The following TEX9 variants were observed in gnomAD, a reference collection of about 807,000 sequenced individuals.
TEX9 encodes the protein testis-expressed protein 9.
In TEX9, 74 loss-of-function variants were observed where a neutral mutation model predicts 59.6. The observed-to-expected ratio is 1.24, with a 90% CI of 1.03 to 1.51. TEX9 has a LOEUF of 1.51. Among genes scored for constraint, TEX9 ranks in the 40% most tolerant of loss-of-function variants. The pLI is 0.00. For synonymous variants in TEX9, 186 were observed against 152.2 expected, an observed-to-expected ratio of 1.22 and a Z score of -1.64; for missense variants, 522 against 447.8, an observed-to-expected ratio of 1.17 and a Z score of -1.49.
intron 3 of TEX9, among the ~76,000 whole-genome samples, chr15:56,379,302 T>C (rs2047611429): frequency 6.6e-6 from 1 of 152,192 alleles, no homozygotes; most frequent in Non-Finnish European, 1.5e-5. Flanking sequence ...AGTTTCTTCA[T>C]TGACCCATTG....
intron 1 of TEX9, among the ~76,000 whole-genome samples, chr15:56,350,572 A>G (rs2046558096): frequency 6.6e-6 from 1 of 152,218 alleles, no homozygotes; most frequent in Non-Finnish European, 1.5e-5. Context: ...GATTCTACTC[A>G]TTTAATCTAG....
At chr15:56,303,905 G>T (rs1567078665) in intron 1 of TEX9, among the ~76,000 whole-genome samples, 1 of 152,146 alleles carries the variant, frequency 6.6e-6, no homozygotes, top group African/African-American at 2.4e-5. Flanking sequence ...AGAAGAAATG[G>T]ATAACTTTCT....
chr15:56,360,810 T>C (rs768056848), upstream of TEX9, among the ~76,000 whole-genome samples: 12 of 152,192 alleles, frequency 7.9e-5, no homozygotes, highest in Non-Finnish European at 1.6e-4. Flanking sequence ...TGCAGAGCTA[T>C]GTACCAGATA....
intron 1 of TEX9, among the ~76,000 whole-genome samples, chr15:56,308,216 C>T (rs1294166307): frequency 6.6e-6 from 1 of 152,214 alleles, no homozygotes; most frequent in African/African-American, 2.4e-5. Context: ...CCAATTTCTT[C>T]ACATCCTTGC....
At chr15:56,374,645 TCTGA>T (rs2047344438) in intron 3 of TEX9, 1 of 152,158 alleles carries the variant, frequency 6.6e-6, no homozygotes. Flanking sequence ...ATTCATTCTT[TCTGA>T]CTATATATTT....
chr15:56,375,842 C>T (rs1360341885), intron 3 of TEX9, among the ~76,000 whole-genome samples: 1 of 150,614 alleles, frequency 6.6e-6, no homozygotes, highest in Non-Finnish European at 1.5e-5. Context: ...CAATGATAGA[C>T]TGGATTAAGA....
chr15:56,327,748 A>G (rs1453731612), intron 1 of TEX9, among the ~76,000 whole-genome samples: 3 of 152,154 alleles, frequency 2.0e-5, no homozygotes, highest in Non-Finnish European at 4.4e-5. Flanking sequence ...TGCTGCCAAC[A>G]CTGGGGAGAA....
At position 56,403,454 on chromosome 15, in the gene TEX9, G is replaced by A. The variant is rs554775871; in HGVS notation, c.828+8620G>A. Among the ~76,000 whole-genome samples the A allele has an allele frequency of 3.8e-3, 579 of 152,156 alleles. 2 individuals carry two copies. Among genetic ancestry groups the A allele is most frequent in the Non-Finnish European group, 5.8e-3 (395 of 67,980 alleles). ...GTGAAGGACCTCTTCAAGGAGAACT[G>A]CAAACCACTGCTCAATGAAATAAAA... On this transcript the variant is annotated intron_variant, in intron 9 of 12. Transcript: ENST00000352903.
chr15:56,299,608 G>A (rs555144834), intron 1 of TEX9, among the ~76,000 whole-genome samples: 2 of 152,236 alleles, frequency 1.3e-5, no homozygotes, highest in South Asian at 4.1e-4. Flanking sequence ...AGCTCAGCTC[G>A]AAGCTCCAGG....
intron 1 of TEX9, among the ~76,000 whole-genome samples, chr15:56,285,232 C>T (rs2044925160): frequency 6.6e-6 from 1 of 151,988 alleles, no homozygotes; most frequent in African/African-American, 2.4e-5. Flanking sequence ...TTTTACTTTA[C>T]CCTCACTCTC....
At chr15:56,291,655 G>C (rs1338722296) in intron 1 of TEX9, among the ~76,000 whole-genome samples, 1 of 152,056 alleles carries the variant, frequency 6.6e-6, no homozygotes, top group Admixed American at 6.6e-5. Context: ...TATATCTCTT[G>C]TCTAACTGAA....
At chr15:56,293,444 A>G (rs1289976821) in intron 1 of TEX9, among the ~76,000 whole-genome samples, 1 of 152,248 alleles carries the variant, frequency 6.6e-6, no homozygotes, top group African/African-American at 2.4e-5. Flanking sequence ...CAGACTTGGC[A>G]TGTAGTAAAG....
In TEX9 at chr15:56,393,042, G is replaced by C. The variant is rs942075062; in HGVS notation, c.572-1123G>C. Among the ~76,000 whole-genome samples, 3 of 152,252 alleles carry C rather than the reference G, an allele frequency of 2.0e-5. No homozygotes were observed. The East Asian group carries it at 5.8e-4, about 29-fold the overall frequency. On this transcript the variant is annotated intron_variant, in intron 7 of 12. Transcript: ENST00000352903. ...TAAGATTAAAGCTAGGGTCGAGTGG[G>C]GAGCAGAGTTTAGTACTGTGGGCCT...
intron 7 of TEX9, among the ~76,000 whole-genome samples, chr15:56,391,771 T>G (rs529430568): frequency 6.6e-6 from 1 of 152,224 alleles, no homozygotes; most frequent in South Asian, 2.1e-4. Context: ...TGCTTATTGT[T>G]AAAATATTAA....
intron 1 of TEX9, among the ~76,000 whole-genome samples, chr15:56,283,705 G>GA (rs1442031787): frequency 6.6e-6 from 1 of 151,396 alleles, no homozygotes; most frequent in Non-Finnish European, 1.5e-5. Flanking sequence ...AAAAAGTAAT[G>GA]AAAAAAATTA....
At chr15:56,346,963 A>G (rs2046482924) in intron 1 of TEX9, among the ~76,000 whole-genome samples, 1 of 152,206 alleles carries the variant, frequency 6.6e-6, no homozygotes. Flanking sequence ...GAGTAAAAAT[A>G]TGATACCATT....
chr15:56,368,723 A>G (rs1354199167), intron 2 of TEX9, among the ~76,000 whole-genome samples: 10 of 152,152 alleles, frequency 6.6e-5, no homozygotes, highest in Non-Finnish European at 1.3e-4. Context: ...GTATGTTTGA[A>G]ATCTTGACTG....
chr15:56,270,843 C>G (rs1337114510), intron 1 of TEX9, among the ~76,000 whole-genome samples: 9 of 152,210 alleles, frequency 5.9e-5, no homozygotes, highest in Non-Finnish European at 1.2e-4. Context: ...GTGATAAAAT[C>G]TCTCAACATT....
chr15:56,409,209 A>G (rs1324860129), intron 9 of TEX9, among the ~76,000 whole-genome samples: 1 of 152,104 alleles, frequency 6.6e-6, no homozygotes. Flanking sequence ...AAAAAAAAAA[A>G]ATTAAGTCAG....
Sources: gnomAD v4.1 joint callset for allele counts (sites outside exome capture counted in the v4.1 genomes callset) on GRCh38, gnomAD v4.1.1 for gene constraint, MANE v1.5 for transcripts, NCBI Gene and HGNC (gene_info 2026-07-23, HGNC 2026-07-21) for gene names.